GRIK1: variants seen among roughly 807,000 people sequenced by gnomAD.
GRIK1 encodes glutamate ionotropic receptor kainate type subunit 1, also known as glutamate receptor ionotropic, kainate 1.
Under a neutral mutation model 105.7 loss-of-function variants are expected in GRIK1, and 69 were observed. The ratio of observed to expected loss-of-function variants is 0.65; its 90% CI spans 0.54 to 0.80. The LOEUF is 0.80. Among genes scored for constraint, GRIK1 ranks in the 30% least tolerant of loss-of-function variants. The probability of loss-of-function intolerance (pLI) is 0.00; values close to 1 mark genes in which losing one functional copy is unlikely to be tolerated. For synonymous variants in GRIK1, 438 were observed against 431.3 expected (o/e 1.02, Z -0.19); for missense variants, 1,109 against 1,167.3 (o/e 0.95, Z 0.73).
At chr21:29,773,824 G>T (rs1043672916) in intron 1 of GRIK1, among the ~76,000 whole-genome samples, 1 of 152,098 alleles carries the variant, frequency 6.6e-6, no homozygotes, top group African/African-American at 2.4e-5. Context: ...TGTATTTTGT[G>T]GAAAAATCTG....
intron 1 of GRIK1, among the ~76,000 whole-genome samples, chr21:29,933,261 T>C (rs188983825): frequency 1.3e-5 from 2 of 152,246 alleles, no homozygotes; most frequent in East Asian, 3.9e-4. Flanking sequence ...AATGGCAGAC[T>C]CTGGCTTAGA....
intron 1 of GRIK1, among the ~76,000 whole-genome samples, chr21:29,753,235 G>T (rs910378770): frequency 1.3e-5 from 2 of 152,124 alleles, no homozygotes; most frequent in African/African-American, 4.8e-5. Context: ...TGAAACAAAG[G>T]ATAGTCTCTT....
chr21:29,697,084 C>T (rs1267011668), intron 1 of GRIK1, among the ~76,000 whole-genome samples: 1 of 152,172 alleles, frequency 6.6e-6, no homozygotes, highest in Non-Finnish European at 1.5e-5. Context: ...CTGGGACTGA[C>T]TCAGTTGTCT....
chr21:29,565,877 G>A (rs962820434), intron 14 of GRIK1, among the ~76,000 whole-genome samples: 20 of 152,332 alleles, frequency 1.3e-4, no homozygotes, highest in African/African-American at 4.6e-4. Context: ...TGAGGTCAGG[G>A]ACAGCAAATG....
At chr21:29,815,076 G>T (rs910437835) in intron 1 of GRIK1, among the ~76,000 whole-genome samples, 1 of 152,078 alleles carries the variant, frequency 6.6e-6, no homozygotes, top group African/African-American at 2.4e-5. Flanking sequence ...ATGCATTTTG[G>T]CTGTCCACTC....
chr21:29,569,508 C>T (rs1416978071), intron 14 of GRIK1, among the ~76,000 whole-genome samples: 2 of 152,146 alleles, frequency 1.3e-5, no homozygotes, highest in African/African-American at 4.8e-5. Context: ...AAAACACTTT[C>T]CTGTAGGTTT....
At chr21:29,706,558 T>G (rs908574963) in intron 1 of GRIK1, among the ~76,000 whole-genome samples, 8 of 152,214 alleles carry the variant, frequency 5.3e-5, no homozygotes, top group Non-Finnish European at 8.8e-5. Context: ...TGCATTGACA[T>G]GAATAATGAA....
intron 1 of GRIK1, among the ~76,000 whole-genome samples, chr21:29,922,616 T>G (rs1213416759): frequency 6.6e-6 from 1 of 152,176 alleles, no homozygotes; most frequent in Non-Finnish European, 1.5e-5. Context: ...TTTCTTTACT[T>G]TCAACTAATT....
At chr21:29,842,419 CTG>C (rs1217112795) in intron 1 of GRIK1, among the ~76,000 whole-genome samples, 1 of 152,122 alleles carries the variant, frequency 6.6e-6, no homozygotes, top group Admixed American at 6.6e-5. Context: ...GAAAAGATCT[CTG>C]TACTAGATGT....
intron 1 of GRIK1, among the ~76,000 whole-genome samples, chr21:29,710,944 C>T (rs1187865774): frequency 6.6e-6 from 1 of 151,320 alleles, no homozygotes; most frequent in African/African-American, 2.4e-5. Context: ...TAAAGAGTAA[C>T]CCATTCTTGG....
In GRIK1 at chr21:29,537,114, A is replaced by G; in HGVS notation, c.*116T>C. 1 of 561,318 alleles carries G rather than the reference A, an allele frequency of 1.8e-6. No individual in the cohort carries two copies. Among genetic ancestry groups the G allele is most frequent in the Non-Finnish European group, 2.9e-6 (1 of 344,354 alleles). 34.8% of individuals were successfully genotyped at this position (561,318 alleles called of 1,614,324 possible). ...TTTTGTATTTCTTATATCTGTATTC[A>G]TAATCAGAGTTATGGATATAGATAT... is the stretch of plus-strand genomic sequence containing the variant. On this transcript the variant is annotated 3_prime_UTR_variant, in exon 18 of 18. Transcript: ENST00000327783.
intron 9 of GRIK1, chr21:29,596,255 G>C (rs1456715535): frequency 1.8e-6 from 1 of 562,132 alleles, no homozygotes. Context: ...TCCTAACAAG[G>C]ACTGATCCTG....
intron 1 of GRIK1, among the ~76,000 whole-genome samples, chr21:29,742,050 A>G (rs2064943806): frequency 6.6e-6 from 1 of 152,200 alleles, no homozygotes; most frequent in Admixed American, 6.5e-5. Context: ...TATTTTGTCA[A>G]GGAAAGACTC....
intron 1 of GRIK1, among the ~76,000 whole-genome samples, chr21:29,780,890 G>A (rs2066079133): frequency 6.6e-6 from 1 of 152,146 alleles, no homozygotes; most frequent in South Asian, 2.1e-4. Flanking sequence ...GACATGTCAG[G>A]AGAGCAAGAG....
intron 1 of GRIK1, among the ~76,000 whole-genome samples, chr21:29,804,056 A>G (rs2066786981): frequency 6.6e-6 from 1 of 152,140 alleles, no homozygotes; most frequent in Non-Finnish European, 1.5e-5. Context: ...GGATGGACAG[A>G]AGCTCATAAT....
At chr21:29,846,581 T>A (rs1424222760) in intron 1 of GRIK1, among the ~76,000 whole-genome samples, 1 of 152,204 alleles carries the variant, frequency 6.6e-6, no homozygotes, top group Non-Finnish European at 1.5e-5. Context: ...ACTAAGGACA[T>A]CCATATTGTT....
At chr21:29,728,944 G>A (rs1309967998) in intron 1 of GRIK1, among the ~76,000 whole-genome samples, 1 of 152,164 alleles carries the variant, frequency 6.6e-6, no homozygotes, top group Non-Finnish European at 1.5e-5. Flanking sequence ...TTAGCATGAT[G>A]TGAAAGAAGA....
At chr21:29,831,479 C>G (rs963431215) in intron 1 of GRIK1, among the ~76,000 whole-genome samples, 1 of 152,180 alleles carries the variant, frequency 6.6e-6, no homozygotes, top group Non-Finnish European at 1.5e-5. Context: ...TTAATTGACT[C>G]ATGGTTCAAC....
intron 1 of GRIK1, among the ~76,000 whole-genome samples, chr21:29,740,190 A>T (rs567481078): frequency 6.6e-6 from 1 of 151,648 alleles, no homozygotes; most frequent in Non-Finnish European, 1.5e-5. Flanking sequence ...CATGGCAGCC[A>T]CTGCTCCTCA....
Sources: gnomAD v4.1 joint callset for allele counts (sites outside exome capture counted in the v4.1 genomes callset) on GRCh38, gnomAD v4.1.1 for gene constraint, MANE v1.5 for transcripts, NCBI Gene and HGNC (gene_info 2026-07-23, HGNC 2026-07-21) for gene names.